WWOX: variants seen among roughly 807,000 people sequenced by gnomAD.
WWOX encodes the protein WW domain-containing oxidoreductase.
A neutral mutation model predicts 46.2 loss-of-function variants in WWOX; 69 were observed. The ratio of observed to expected loss-of-function variants is 1.49; its 90% CI spans 1.23 to 1.82. The LOEUF (loss-of-function observed/expected upper bound fraction) is 1.82. Among genes scored for constraint, WWOX ranks in the 40% most tolerant of loss-of-function variants. WWOX has a pLI of 0.00. For missense variants in WWOX, 919 were observed against 542.6 expected (o/e 1.69, Z -6.89); for synonymous variants, 359 against 202.6 (o/e 1.77, Z -6.56).
At chr16:78,147,135 T>A (rs1487985276) in intron 4 of WWOX, among the ~76,000 whole-genome samples, 2 of 151,060 alleles carry the variant, frequency 1.3e-5, no homozygotes, top group Non-Finnish European at 3.0e-5. Flanking sequence ...TCTGGTTACA[T>A]AGATTATCAG....
intron 8 of WWOX, among the ~76,000 whole-genome samples, chr16:79,064,491 G>C (rs906116228): frequency 6.6e-6 from 1 of 152,208 alleles, no homozygotes; most frequent in Non-Finnish European, 1.5e-5. Flanking sequence ...TTTGTTGAGG[G>C]ATTTGAGGCG....
At position 78,835,667 on chromosome 16, in the gene WWOX, A is replaced by G. The variant is rs534398149; in HGVS notation, c.1057-375941A>G. Among the ~76,000 whole-genome samples, 27 of 152,334 alleles carry G rather than the reference A, an allele frequency of 1.8e-4. No homozygotes were observed. The South Asian group carries it at 5.2e-3, about 29-fold the overall frequency. ...GAGATGCGACGTGACTTGCCTAAGAACACACAGCAGTTCTGAAACTCACCC... is the reference window on the plus strand; with the variant it reads ...GAGATGCGACGTGACTTGCCTAAGAGCACACAGCAGTTCTGAAACTCACCC... On this transcript the variant is annotated intron_variant, in intron 8 of 8. Transcript: ENST00000566780.
chr16:78,900,415 T>C (rs111982306), intron 8 of WWOX, among the ~76,000 whole-genome samples: 23 of 152,332 alleles, frequency 1.5e-4, no homozygotes, highest in African/African-American at 5.5e-4. Context: ...ATAATTTGTT[T>C]TTTATTTTTC....
intron 5 of WWOX, among the ~76,000 whole-genome samples, chr16:78,184,105 GCTTC>G (rs1342255220): frequency 6.6e-6 from 1 of 152,132 alleles, no homozygotes; most frequent in African/African-American, 2.4e-5. Flanking sequence ...TCACGGTAAT[GCTTC>G]CTTCCACCAT....
At chr16:78,291,538 G>A (rs2079857248) in intron 5 of WWOX, among the ~76,000 whole-genome samples, 1 of 152,132 alleles carries the variant, frequency 6.6e-6, no homozygotes, top group Admixed American at 6.5e-5. Flanking sequence ...AAACTGCAGA[G>A]GTTTCTTATT....
At chr16:78,811,163 C>T (rs540830502) in intron 8 of WWOX, among the ~76,000 whole-genome samples, 15 of 152,202 alleles carry the variant, frequency 9.9e-5, no homozygotes, top group African/African-American at 3.4e-4. Flanking sequence ...ATTCAGTATC[C>T]GAAAAACAAT....
intron 8 of WWOX, among the ~76,000 whole-genome samples, chr16:79,145,010 T>G (rs1335739277): frequency 2.0e-5 from 3 of 152,176 alleles, no homozygotes; most frequent in African/African-American, 7.2e-5. Flanking sequence ...GTATATCCCC[T>G]GTGCAGAAGC....
intron 8 of WWOX, among the ~76,000 whole-genome samples, chr16:79,008,835 G>T (rs8056763): frequency 0.11 from 17,282 of 152,162 alleles, 2,573 homozygotes; most frequent in African/African-American, 0.35. Flanking sequence ...CGGAGACCAG[G>T]GGGCCCCGAT....
At chr16:78,163,604 G>A (rs2034869894) in intron 4 of WWOX, among the ~76,000 whole-genome samples, 1 of 152,174 alleles carries the variant, frequency 6.6e-6, no homozygotes, top group Non-Finnish European at 1.5e-5. Context: ...CTTAGTCATA[G>A]TGCCCTTCTG....
intron 8 of WWOX, among the ~76,000 whole-genome samples, chr16:78,562,115 C>G (rs2044454287): frequency 6.6e-6 from 1 of 152,122 alleles, no homozygotes; most frequent in Non-Finnish European, 1.5e-5. Flanking sequence ...ATAGAGTTAT[C>G]CAAACAAATT....
At position 78,138,657 on chromosome 16, in the gene WWOX, A is replaced by T. The variant is rs574264248; in HGVS notation, c.409+23503A>T. 4.3e-4 allele frequency among the ~76,000 whole-genome samples: 66 copies of T among 152,228 alleles called. 1 individual carries two copies. The highest frequency in any genetic ancestry group is 8.1e-4 in the Non-Finnish European group (55 of 68,044). On this transcript the variant is annotated intron_variant, in intron 4 of 8. Coordinates refer to ENST00000566780, the MANE Select transcript of WWOX (RefSeq NM_016373.4). ...TTTCCTTTCTGCATGGTCATAAAAC[A>T]CACTGGGGACAGCCCACCCTGAGAA...
intron 5 of WWOX, among the ~76,000 whole-genome samples, chr16:78,266,788 T>TTCTCTCTCTCTCTCTCTC (rs60393431): frequency 0.046 from 5,336 of 115,290 alleles, 418 homozygotes; most frequent in Middle Eastern, 0.064. Flanking sequence ...TATTCTTCTA[T>TTCTCTCTCTCTCTCTCTC]TCTCTCTCTC....
chr16:79,045,780 C>CTTTTTTTTTTTTTTTTTTTTT (rs770463813), intron 8 of WWOX, among the ~76,000 whole-genome samples: 1 of 54,232 alleles, frequency 1.8e-5, no homozygotes. Context: ...TTTTCTTTTC[C>CTTTTTTTTTTTTTTTTTTTTT]TTTTTTTTTT....
chr16:78,359,172 A>G (rs1457746711), intron 5 of WWOX, among the ~76,000 whole-genome samples: 3 of 152,204 alleles, frequency 2.0e-5, no homozygotes, highest in African/African-American at 7.2e-5. Context: ...CATATCATGT[A>G]TTTGTCATTT....
chr16:79,193,735 C>G (rs912621002), intron 8 of WWOX, among the ~76,000 whole-genome samples: 3 of 152,152 alleles, frequency 2.0e-5, no homozygotes, highest in Admixed American at 2.0e-4. Context: ...CCCACTTGGG[C>G]AAAAACAATT....
At chr16:78,562,636 C>G (rs962588876) in intron 8 of WWOX, among the ~76,000 whole-genome samples, 5 of 152,216 alleles carry the variant, frequency 3.3e-5, no homozygotes, top group Non-Finnish European at 7.3e-5. Context: ...CCATACATAG[C>G]TCTTTGTCAG....
intron 8 of WWOX, among the ~76,000 whole-genome samples, chr16:79,151,201 A>G (rs1262131844): frequency 6.6e-6 from 1 of 152,310 alleles, no homozygotes; most frequent in East Asian, 1.9e-4. Context: ...CACCTCTTAA[A>G]CAGCCAGCTA....
chr16:79,015,483 A>T (rs868447993), intron 8 of WWOX, among the ~76,000 whole-genome samples: 14 of 152,186 alleles, frequency 9.2e-5, no homozygotes, highest in Non-Finnish European at 1.9e-4. Flanking sequence ...TAGGTGCTCA[A>T]TAAACTATAA....
intron 8 of WWOX, among the ~76,000 whole-genome samples, chr16:79,144,744 C>A (rs1222715221): frequency 1.3e-5 from 2 of 152,072 alleles, no homozygotes; most frequent in African/African-American, 4.8e-5. Context: ...GTTTTGGTTT[C>A]CAAGGTTTCA....
Sources: gnomAD v4.1 joint callset for allele counts (sites outside exome capture counted in the v4.1 genomes callset) on GRCh38, gnomAD v4.1.1 for gene constraint, MANE v1.5 for transcripts, NCBI Gene and HGNC (gene_info 2026-07-23, HGNC 2026-07-21) for gene names.